Variants in TTC3 observed in about 807,000 individuals in gnomAD.
The protein encoded by TTC3 is tetratricopeptide repeat domain 3.
In TTC3, 180 loss-of-function variants were observed where a neutral mutation model predicts 249.6. The observed-to-expected ratio is 0.72, with a 90% CI of 0.64 to 0.82. The LOEUF is 0.82. Ranked by LOEUF, TTC3 falls within the 40% of genes least tolerant of loss-of-function variation. The pLI is 0.00. For missense variants in TTC3, 2,061 were observed against 2,398.4 expected, an observed-to-expected ratio of 0.86 and a Z score of 2.94; for synonymous variants, 717 against 805.0, an observed-to-expected ratio of 0.89 and a Z score of 1.85.
intron 37 of TTC3, 46 bp downstream of exon 37, chr21:37,185,820 A>T (rs887548591): frequency 4.2e-6 from 5 of 1,204,034 alleles, no homozygotes; most frequent in Non-Finnish European, 5.7e-6. Context: ...AATACTTTTA[A>T]TGCCAGGAGT....
At chr21:37,162,207 T>C (rs986894600) in intron 31 of TTC3, 144 bp downstream of exon 31, 50 of 517,192 alleles carry the variant, frequency 9.7e-5, no homozygotes, top group African/African-American at 2.3e-4. Context: ...CTGATGTAAT[T>C]CCATCTTGAT....
intron 34 of TTC3, among the ~76,000 whole-genome samples, chr21:37,170,472 C>T (rs539709091): frequency 2.6e-5 from 4 of 152,136 alleles, no homozygotes; most frequent in Non-Finnish European, 4.4e-5. Context: ...TCGATCTGCA[C>T]TCATATATGT....
intron 20 of TTC3, among the ~76,000 whole-genome samples, chr21:37,143,515 GA>G (rs2078688885): frequency 6.6e-6 from 1 of 152,002 alleles, no homozygotes; most frequent in Admixed American, 6.6e-5. Context: ...CTGGCCATCA[GA>G]GAAATGCAAA....
chr21:37,124,838 G>A (rs966418989), intron 14 of TTC3, 96 bp downstream of exon 14: 31 of 1,305,222 alleles, frequency 2.4e-5, no homozygotes, highest in South Asian at 1.8e-4. Context: ...AATTTTTGGC[G>A]ATTTGAACCC....
Position 37,195,670 on chromosome 21 carries a change from C to T in TTC3, c.5218-5C>T. On this transcript the variant is annotated splice_polypyrimidine_tract_variant and splice_region_variant and intron_variant, in intron 41 of 45. Transcript: ENST00000355666. ...GTGATCCATGGTGTGGTGTGTTCCT[C>T]ACAGGTTCATCCCGAGTTACTCCCT... The T allele has an allele frequency of 1.3e-6, 2 of 1,597,710 alleles. No individual in the cohort carries two copies. The highest frequency in any genetic ancestry group is 1.7e-6 in the Non-Finnish European group (2 of 1,171,334).
At chr21:37,152,068 C>A (rs1289458532) in intron 26 of TTC3, 39 bp downstream of exon 26, 6 of 1,513,418 alleles carry the variant, frequency 4.0e-6, no homozygotes, top group Non-Finnish European at 4.4e-6. Context: ...ATAATATACT[C>A]TCATTTAAAT....
exon 7 of TTC3, chr21:37,091,338 G>A (rs1203448652): frequency 1.2e-6 from 2 of 1,611,698 alleles, no homozygotes; most frequent in Non-Finnish European, 1.7e-6. Flanking sequence ...AAAATATGCA[G>A]GCGATGTAAC....
Position 37,096,661 on chromosome 21 carries a change from T to G in TTC3, c.845+18T>G. Reference sequence around the variant, plus strand: ...CAGTTTAGGTAAGTTGGTTAAAATATCTCAACCACTGAATTATTATGCTAA... The same window carrying G: ...CAGTTTAGGTAAGTTGGTTAAAATAGCTCAACCACTGAATTATTATGCTAA... On this transcript the variant is annotated intron_variant, in intron 10 of 45. Transcript: ENST00000355666. The G allele has an allele frequency of 6.4e-7, 1 of 1,568,474 alleles. No individual in the cohort carries two copies. The highest frequency in any genetic ancestry group is 1.7e-5 in the Admixed American group (1 of 57,426).
chr21:37,141,419 C>CCG (rs386394708), intron 20 of TTC3, among the ~76,000 whole-genome samples: 104 of 151,930 alleles, frequency 6.8e-4, no homozygotes, highest in Admixed American at 9.2e-4. Context: ...GAATCCCCCC[C>CCG]CCAGCCATCT....
At position 37,201,438 on chromosome 21, in the gene TTC3, A is replaced by C; in HGVS notation, c.5944-2A>C. 2 of 1,613,674 alleles carry C rather than the reference A, an allele frequency of 1.2e-6. No homozygotes were observed. Among genetic ancestry groups the C allele is most frequent in the Non-Finnish European group, 1.7e-6 (2 of 1,180,002 alleles). ...CTTCTGATTTTGTTTTCTCCTTTTC[A>C]GTGCTTTAAGCAGTGGCTTAAAGGG... On this transcript the variant is annotated splice_acceptor_variant, in intron 45 of 45. Coordinates refer to ENST00000355666, the Ensembl canonical transcript of TTC3. LOFTEE classifies it high-confidence loss of function.
intron 45 of TTC3, among the ~76,000 whole-genome samples, chr21:37,201,206 A>C (rs1167276984): frequency 6.6e-6 from 1 of 152,218 alleles, no homozygotes; most frequent in Non-Finnish European, 1.5e-5. Context: ...CCCTGAGGCC[A>C]GGTTGGAGGC....
chr21:37,173,742 G>C (rs1397645076), intron 35 of TTC3, among the ~76,000 whole-genome samples: 1 of 152,146 alleles, frequency 6.6e-6, no homozygotes, highest in Non-Finnish European at 1.5e-5. Flanking sequence ...AGTTTGTAAA[G>C]GTAACTGTCA....
chr21:37,167,729 A>G, intron 34 of TTC3, 109 bp downstream of exon 34: 1 of 733,992 alleles, frequency 1.4e-6, no homozygotes, highest in South Asian at 2.3e-5. Flanking sequence ...ACACAAAGTT[A>G]TCATGGAATA....
At chr21:37,124,731 C>A (rs749434425) in exon 14 of TTC3, 2 of 1,611,932 alleles carry the variant, frequency 1.2e-6, no homozygotes, top group Admixed American at 3.3e-5. Context: ...CGGTGGTAAT[C>A]AGAATCTAAA....
chr21:37,128,700 G>A (rs887160343), intron 15 of TTC3, among the ~76,000 whole-genome samples: 3 of 152,100 alleles, frequency 2.0e-5, no homozygotes, highest in African/African-American at 2.4e-5. Context: ...GAAGTGATGT[G>A]TCTTTTCACC....
intron 33 of TTC3, 137 bp downstream of exon 33, chr21:37,166,752 T>G: frequency 7.2e-7 from 1 of 1,387,494 alleles, no homozygotes; most frequent in Non-Finnish European, 9.5e-7. Context: ...CTGAAAATAC[T>G]TTTAAAATAT....
At chr21:37,167,573 C>T (rs974396033) in exon 34 of TTC3, 1 of 1,608,960 alleles carries the variant, frequency 6.2e-7, no homozygotes, top group Non-Finnish European at 8.5e-7. Context: ...GAACATAATA[C>T]ACCAAGAAGT....
At chr21:37,109,842 G>A (rs1359081863) in intron 11 of TTC3, among the ~76,000 whole-genome samples, 7 of 152,168 alleles carry the variant, frequency 4.6e-5, no homozygotes, top group South Asian at 2.1e-4. Context: ...TCACACGGCC[G>A]GGTACTCCTC....
Position 37,126,153 on chromosome 21 carries a change from G to T in TTC3, c.1297+10G>T. On this transcript the variant is annotated intron_variant, in intron 15 of 45. Coordinates refer to ENST00000355666, the Ensembl canonical transcript of TTC3. ...TTTTCACCACCATCAAGTGAGTATT[G>T]TTTTTATATCAATTGTTGCCAAGTT... 6.2e-7 allele frequency: 1 copy of T among 1,604,760 alleles called. No individual in the cohort carries two copies.
Sources: gnomAD v4.1 joint callset for allele counts (sites outside exome capture counted in the v4.1 genomes callset) on GRCh38, gnomAD v4.1.1 for gene constraint, MANE v1.5 for transcripts, NCBI Gene and HGNC (gene_info 2026-07-23, HGNC 2026-07-21) for gene names.